Variants in TBC1D4 observed in about 807,000 individuals in gnomAD.
TBC1D4 encodes TBC1 domain family member 4, also known as TBC (Tre-2, BUB2, CDC16) domain-containing protein.
Under a neutral mutation model 142.5 loss-of-function variants are expected in TBC1D4, and 121 were observed. That is an observed-to-expected ratio of 0.85 (90% CI 0.73 to 0.99). The LOEUF (loss-of-function observed/expected upper bound fraction) is 0.99. Ranked by LOEUF, TBC1D4 falls within the 50% of genes least tolerant of loss-of-function variation. TBC1D4 has a pLI of 0.00. For missense variants in TBC1D4, 1,475 were observed against 1,606.6 expected (o/e 0.92, Z 1.40); for synonymous variants, 630 against 628.2 (o/e 1.00, Z -0.04).
chr13:75,441,442 T>C (rs1887036335), intron 1 of TBC1D4, among the ~76,000 whole-genome samples: 1 of 152,226 alleles, frequency 6.6e-6, no homozygotes, highest in South Asian at 2.1e-4. Context: ...ATTATGTGTA[T>C]ACTTTTTGAA....
chr13:75,424,496 C>T (rs535364098), intron 1 of TBC1D4, among the ~76,000 whole-genome samples: 57 of 151,720 alleles, frequency 3.8e-4, no homozygotes, highest in African/African-American at 8.9e-4. Context: ...ACATTTTTCA[C>T]AGAAGTAAAA....
intron 12 of TBC1D4, among the ~76,000 whole-genome samples, chr13:75,314,830 T>C (rs1878136967): frequency 6.8e-6 from 1 of 146,324 alleles, no homozygotes; most frequent in Non-Finnish European, 1.5e-5. Flanking sequence ...AAAAAAAAAA[T>C]TAGCTGGGCA....
chr13:75,305,583 GCTCAACAGT>G (rs1300945031), intron 15 of TBC1D4, among the ~76,000 whole-genome samples: 2 of 152,184 alleles, frequency 1.3e-5, no homozygotes, highest in African/African-American at 4.8e-5. Context: ...CTTAACTGTG[GCTCAACAGT>G]CTCACACATT....
intron 12 of TBC1D4, among the ~76,000 whole-genome samples, chr13:75,317,264 G>C (rs1208201908): frequency 6.6e-6 from 1 of 152,152 alleles, no homozygotes; most frequent in Non-Finnish European, 1.5e-5. Flanking sequence ...GGACCCCCAG[G>C]ATCCTCTGCA....
At chr13:75,424,684 G>T (rs1245763965) in intron 1 of TBC1D4, among the ~76,000 whole-genome samples, 1 of 152,158 alleles carries the variant, frequency 6.6e-6, no homozygotes. Context: ...CAGTGGAATG[G>T]AAGACAGAAC....
At chr13:75,347,484 A>C (rs1259692782) in intron 5 of TBC1D4, among the ~76,000 whole-genome samples, 3 of 152,218 alleles carry the variant, frequency 2.0e-5, no homozygotes, top group African/African-American at 7.2e-5. Flanking sequence ...CAAATATGTC[A>C]GTGTCTTCTT....
Position 75,481,736 on chromosome 13 carries a change from G to C in TBC1D4, c.32C>G (p.Pro11Arg). The C allele has an allele frequency of 2.5e-6, 4 of 1,593,906 alleles. No homozygotes were observed. Among genetic ancestry groups the C allele is most frequent in the African/African-American group, 1.4e-5 (1 of 73,358 alleles). ...CTCGGGCTCCAGGGGGTGCGGGAAC[G>C]GCTCATCCTGAATGCAGCTGGGCGG... The part of the protein sequence containing the change: MEPPSCIQDE[P>R]FPHPLEPEPG... The change falls in exon 1 of 21, where the codon CCG (proline) becomes CGG (arginine). Residue 11 changes from proline to arginine, a missense_variant. This residue lies in a region of TBC1D4 where 1,227 missense variants were observed against 1,267.7 expected (regional missense o/e 0.97). Coordinates refer to ENST00000377636, the MANE Select transcript of TBC1D4 (RefSeq NM_014832.5).
At chr13:75,300,763 T>C (rs1027993497) in intron 16 of TBC1D4, among the ~76,000 whole-genome samples, 3 of 152,222 alleles carry the variant, frequency 2.0e-5, no homozygotes, top group Non-Finnish European at 4.4e-5. Flanking sequence ...TTTCTCTCTT[T>C]AATAGGACAT....
chr13:75,359,126 G>T (rs1206190840), intron 3 of TBC1D4, among the ~76,000 whole-genome samples: 1 of 151,960 alleles, frequency 6.6e-6, no homozygotes, highest in African/African-American at 2.4e-5. Context: ...CCTTAGAGGT[G>T]CATTTTTTAA....
chr13:75,409,958 G>A (rs2138391057), intron 1 of TBC1D4, among the ~76,000 whole-genome samples: 1 of 152,286 alleles, frequency 6.6e-6, no homozygotes, highest in African/African-American at 2.4e-5. Context: ...GACAGATGTT[G>A]TAAAGGATTT....
chr13:75,337,639 T>C (rs1268146285), intron 7 of TBC1D4, among the ~76,000 whole-genome samples: 1 of 152,190 alleles, frequency 6.6e-6, no homozygotes, highest in Non-Finnish European at 1.5e-5. Flanking sequence ...TGGTCCTTAG[T>C]AGCAAAAAAC....
intron 1 of TBC1D4, among the ~76,000 whole-genome samples, chr13:75,430,045 G>C (rs1886532879): frequency 6.6e-6 from 1 of 152,152 alleles, no homozygotes; most frequent in African/African-American, 2.4e-5. Context: ...CCAGAGAAGG[G>C]TTAAACAGAA....
chr13:75,417,574 A>G (rs1593864131), intron 1 of TBC1D4, among the ~76,000 whole-genome samples: 2 of 152,182 alleles, frequency 1.3e-5, no homozygotes, highest in East Asian at 3.9e-4. Flanking sequence ...AGGTTTAATT[A>G]AGGACCTTCA....
chr13:75,366,120 C>T (rs935006299), intron 1 of TBC1D4, among the ~76,000 whole-genome samples: 7 of 152,158 alleles, frequency 4.6e-5, no homozygotes, highest in African/African-American at 1.2e-4. Context: ...CAGAATCTGC[C>T]TACAACCCAC....
At chr13:75,446,656 T>TA (rs1366618041) in intron 1 of TBC1D4, among the ~76,000 whole-genome samples, 1 of 152,222 alleles carries the variant, frequency 6.6e-6, no homozygotes, top group African/African-American at 2.4e-5. Flanking sequence ...CACTGAATTC[T>TA]AAATGAAATT....
chr13:75,431,614 G>A (rs1254047787), intron 1 of TBC1D4, among the ~76,000 whole-genome samples: 2 of 152,154 alleles, frequency 1.3e-5, no homozygotes, highest in East Asian at 3.8e-4. Flanking sequence ...AAGGATCAGA[G>A]TTAGGTAACA....
At chr13:75,408,887 T>C (rs1334460646) in intron 1 of TBC1D4, among the ~76,000 whole-genome samples, 1 of 152,204 alleles carries the variant, frequency 6.6e-6, no homozygotes, top group African/African-American at 2.4e-5. Context: ...AAATAACCAT[T>C]CAAATACTTT....
Position 75,426,178 on chromosome 13 carries a change from T to C in TBC1D4, c.498+55092A>G, listed in dbSNP as rs141688345. ...GACATAAAAATGGCCGACAGGGATATGAAAAGATGCTTGACTTCACTAATC... is the reference window on the plus strand; with the variant it reads ...GACATAAAAATGGCCGACAGGGATACGAAAAGATGCTTGACTTCACTAATC... On this transcript the variant is annotated intron_variant, in intron 1 of 20. Coordinates refer to ENST00000377636, the MANE Select transcript of TBC1D4 (RefSeq NM_014832.5). Among the ~76,000 whole-genome samples the C allele has an allele frequency of 2.4e-4, 37 of 152,218 alleles. No individual in the cohort carries two copies. The East Asian group carries it at 2.9e-3, about 12-fold the overall frequency.
intron 4 of TBC1D4, among the ~76,000 whole-genome samples, chr13:75,351,376 T>G (rs1374073052): frequency 2.0e-5 from 3 of 151,866 alleles, no homozygotes; most frequent in South Asian, 2.1e-4. Flanking sequence ...TCCTATTTTT[T>G]TGGGGGGGTA....
Sources: gnomAD v4.1 joint callset for allele counts (sites outside exome capture counted in the v4.1 genomes callset) on GRCh38, gnomAD v4.1.1 for gene constraint, gnomAD v4.1.1 regional missense constraint, MANE v1.5 for transcripts, NCBI Gene and HGNC (gene_info 2026-07-23, HGNC 2026-07-21) for gene names.